The following FBXW8 variants were observed in gnomAD, a reference collection of about 807,000 sequenced individuals.
FBXW8 encodes F-box/WD repeat-containing protein 8.
A neutral mutation model predicts 65.3 loss-of-function variants in FBXW8; 57 were observed. The observed-to-expected ratio is 0.87, with a 90% CI of 0.71 to 1.09. The LOEUF (loss-of-function observed/expected upper bound fraction) is 1.09. FBXW8 is among the 50% of genes least tolerant of loss of function. The pLI is 0.00. For synonymous variants in FBXW8, 308 were observed against 330.2 expected, an observed-to-expected ratio of 0.93 and a Z score of 0.73; for missense variants, 777 against 814.8, an observed-to-expected ratio of 0.95 and a Z score of 0.57.
intron 8 of FBXW8, among the ~76,000 whole-genome samples, chr12:117,017,937 T>C (rs1016663842): frequency 1.3e-5 from 2 of 152,188 alleles, no homozygotes; most frequent in African/African-American, 4.8e-5. Flanking sequence ...TAAAGTTGTG[T>C]GCTGTGCTCG....
At chr12:116,948,399 C>G (rs1883066293) in intron 3 of FBXW8, among the ~76,000 whole-genome samples, 2 of 152,156 alleles carry the variant, frequency 1.3e-5, no homozygotes. Context: ...AGTTTTATCT[C>G]TCAGCCTTAG....
At chr12:116,917,690 C>A (rs2137288610) in intron 1 of FBXW8, among the ~76,000 whole-genome samples, 2 of 152,276 alleles carry the variant, frequency 1.3e-5, no homozygotes, top group South Asian at 4.1e-4. Flanking sequence ...GCAAGCAAAG[C>A]TGACATGAAA....
chr12:116,930,198 A>T (rs1881661424), intron 2 of FBXW8, among the ~76,000 whole-genome samples: 1 of 152,204 alleles, frequency 6.6e-6, no homozygotes, highest in Non-Finnish European at 1.5e-5. Context: ...CAGCAACCAG[A>T]ATTGCTGAAT....
intron 1 of FBXW8, among the ~76,000 whole-genome samples, chr12:116,919,072 GT>G (rs1482849223): frequency 6.6e-6 from 1 of 152,118 alleles, no homozygotes; most frequent in Non-Finnish European, 1.5e-5. Context: ...ATACTATAAT[GT>G]TATATGAATG....
intron 9 of FBXW8, among the ~76,000 whole-genome samples, chr12:117,025,630 C>G (rs1592974469): frequency 6.6e-6 from 1 of 152,214 alleles, no homozygotes; most frequent in Non-Finnish European, 1.5e-5. Context: ...AGACAGAGCC[C>G]TGGGTACTGC....
At chr12:116,913,043 A>C (rs1030636772) in intron 1 of FBXW8, among the ~76,000 whole-genome samples, 7 of 152,172 alleles carry the variant, frequency 4.6e-5, no homozygotes, top group Non-Finnish European at 8.8e-5. Context: ...TTCAACTCCA[A>C]GTTTCACCAC....
chr12:117,014,418 T>C (rs1429134060), intron 8 of FBXW8, among the ~76,000 whole-genome samples: 2 of 152,226 alleles, frequency 1.3e-5, no homozygotes, highest in African/African-American at 4.8e-5. Context: ...TAGCTTATCT[T>C]AGGGTTGACA....
intron 4 of FBXW8, among the ~76,000 whole-genome samples, chr12:116,963,074 C>T (rs944410321): frequency 2.0e-5 from 3 of 152,154 alleles, no homozygotes; most frequent in African/African-American, 7.2e-5. Context: ...CAGTGGTCAA[C>T]CCAGAGGTAC....
In FBXW8 at chr12:116,932,812, G is replaced by A. The variant is rs540403563; in HGVS notation, c.423+4685G>A. Among the ~76,000 whole-genome samples, 8 of 152,322 alleles carry A rather than the reference G, an allele frequency of 5.3e-5. No homozygotes were observed. The South Asian group carries it at 1.7e-3, about 32-fold the overall frequency. ...CTCCCAAAGTGCTGGGATTACAGGC[G>A]TGAGCCACTGTGCCCAGCCGTTCTA... On this transcript the variant is annotated intron_variant, in intron 2 of 10. Coordinates refer to ENST00000652555, the MANE Select transcript of FBXW8 (RefSeq NM_153348.3).
At chr12:116,976,242 C>A (rs1463549779) in intron 5 of FBXW8, among the ~76,000 whole-genome samples, 2 of 152,118 alleles carry the variant, frequency 1.3e-5, no homozygotes, top group Non-Finnish European at 2.9e-5. Flanking sequence ...TTTCTGCTGT[C>A]TGGCTGACTT....
Position 117,028,182 on chromosome 12 carries a change from T to C in FBXW8, c.*10T>C. ...CTATAACCATGTTTAGGGATGTGCC[T>C]CAGTTGGGAGCAAGGAGAAAAATGG... On this transcript the variant is annotated 3_prime_UTR_variant, in exon 11 of 11. Coordinates refer to ENST00000652555, the MANE Select transcript of FBXW8 (RefSeq NM_153348.3). This position sits in a 1 kb window ranked among gnomAD's most constrained non-coding sequence, Gnocchi z 4.1. The C allele has an allele frequency of 3.1e-6, 5 of 1,612,976 alleles. No homozygotes were observed. The highest frequency in any genetic ancestry group is 4.2e-6 in the Non-Finnish European group (5 of 1,179,224).
intron 7 of FBXW8, among the ~76,000 whole-genome samples, chr12:117,009,600 A>C (rs1953756505): frequency 6.6e-6 from 1 of 151,446 alleles, no homozygotes; most frequent in Non-Finnish European, 1.5e-5. Flanking sequence ...ATGTTCTTTG[A>C]ATTAAGTTGA....
At chr12:116,993,831 G>C (rs1270513483) in intron 7 of FBXW8, among the ~76,000 whole-genome samples, 1 of 152,172 alleles carries the variant, frequency 6.6e-6, no homozygotes, top group Non-Finnish European at 1.5e-5. Context: ...ATGTCCAGAA[G>C]AGTCTTTCCT....
chr12:116,932,549 C>G (rs971223787), intron 2 of FBXW8, among the ~76,000 whole-genome samples: 3 of 152,170 alleles, frequency 2.0e-5, no homozygotes, highest in Non-Finnish European at 4.4e-5. Context: ...TCTACTCTTT[C>G]TTTTTCTTTG....
chr12:117,027,255 G>C (rs1227383854), intron 9 of FBXW8, 139 bp from the exon 10 acceptor site: 16 of 671,672 alleles, frequency 2.4e-5, no homozygotes, highest in Non-Finnish European at 4.2e-5. Flanking sequence ...GCTTCCATGG[G>C]GGCCCTGTTC....
intron 7 of FBXW8, among the ~76,000 whole-genome samples, chr12:117,006,761 C>T (rs939910480): frequency 2.6e-5 from 4 of 152,226 alleles, no homozygotes; most frequent in Non-Finnish European, 5.9e-5. Context: ...TGTCACCCAG[C>T]GTCCCTGCAC....
intron 4 of FBXW8, among the ~76,000 whole-genome samples, chr12:116,962,601 C>T (rs938548748): frequency 1.3e-5 from 2 of 152,218 alleles, no homozygotes; most frequent in Non-Finnish European, 2.9e-5. Context: ...AGTTTATGTA[C>T]TTCTTTTTCT....
intron 6 of FBXW8, 120 bp downstream of exon 6, chr12:116,985,522 C>G: frequency 3.2e-6 from 3 of 944,498 alleles, no homozygotes; most frequent in East Asian, 5.2e-5. Context: ...GGCCTTACCT[C>G]CATAAGTCTA....
intron 5 of FBXW8, among the ~76,000 whole-genome samples, chr12:116,974,088 C>T (rs1418115976): frequency 2.6e-5 from 4 of 152,168 alleles, no homozygotes; most frequent in Admixed American, 1.3e-4. Flanking sequence ...AGGAGGGGGA[C>T]CTAAACAGAG....
Sources: allele counts gnomAD v4.1 joint callset (sites outside exome capture counted in the v4.1 genomes callset), GRCh38; gene constraint gnomAD v4.1.1; non-coding constraint Gnocchi (gnomAD v3.1); transcripts MANE v1.5; gene names NCBI Gene and HGNC (gene_info 2026-07-23, HGNC 2026-07-21).